Variants in SOX6 observed in about 807,000 individuals in gnomAD.
SOX6 encodes the protein SRY-box transcription factor 6, also known as transcription factor SOX-6.
SOX6 carries 11 observed loss-of-function variants against 97.8 expected under a neutral mutation model. The observed-to-expected ratio is 0.11, with a 90% CI of 0.07 to 0.19. The LOEUF (loss-of-function observed/expected upper bound fraction) is 0.19. SOX6 is among the 10% of genes least tolerant of loss of function. The pLI, the probability that SOX6 is intolerant of heterozygous loss-of-function variation, is 1.00. For missense variants in SOX6, 810 were observed against 1,039.5 expected (o/e 0.78, Z 3.04); for synonymous variants, 360 against 371.4 (o/e 0.97, Z 0.35).
chr11:16,448,517 G>T (rs1006577778), intron 1 of SOX6, among the ~76,000 whole-genome samples: 1 of 152,038 alleles, frequency 6.6e-6, no homozygotes, highest in African/African-American at 2.4e-5. Flanking sequence ...ATTCAAAATT[G>T]CTGAGTTTCA....
rs1376919011 is a variant in SOX6 at position 16,362,198 on chromosome 11, CAG to C, written c.-4-20948_-4-20947del. On this transcript the variant is annotated intron_variant, in intron 1 of 15. Coordinates refer to the SOX6 transcript ENST00000396356. ...TGTGTTACAGAGGGAGAAAAAGTAA[CAG>C]TGACTGCAAAATGGACAATGACTAA... Among the ~76,000 whole-genome samples the C allele has an allele frequency of 3.3e-5, 5 of 152,168 alleles. 1 individual carries two copies. Among genetic ancestry groups the C allele is most frequent in the African/African-American group, 1.2e-4 (5 of 41,448 alleles).
intron 9 of SOX6, among the ~76,000 whole-genome samples, chr11:16,078,788 G>C (rs1163190127): frequency 6.6e-6 from 1 of 152,136 alleles, no homozygotes; most frequent in East Asian, 1.9e-4. Context: ...ATAAAGACCT[G>C]AGCTAAGTGA....
At chr11:16,050,382 C>A (rs895979294) in intron 10 of SOX6, among the ~76,000 whole-genome samples, 50 of 152,258 alleles carry the variant, frequency 3.3e-4, no homozygotes, top group African/African-American at 1.2e-3. Flanking sequence ...CAATTGCAAG[C>A]ACTTTAAAAA....
At chr11:16,624,345 C>A (rs541860197) in intron 3 of SOX6, among the ~76,000 whole-genome samples, 3 of 151,730 alleles carry the variant, frequency 2.0e-5, no homozygotes, top group Admixed American at 2.0e-4. Flanking sequence ...GTGCCACCAC[C>A]CCCAGCTAAT....
At chr11:16,120,556 C>A (rs1050982777) in intron 6 of SOX6, among the ~76,000 whole-genome samples, 1 of 125,786 alleles carries the variant, frequency 8.0e-6, no homozygotes, top group East Asian at 2.9e-4. Flanking sequence ...AAAGAGCTAA[C>A]TTCACATATA....
intron 4 of SOX6, among the ~76,000 whole-genome samples, chr11:16,228,156 C>T (rs1221744074): frequency 3.3e-5 from 5 of 151,532 alleles, no homozygotes; most frequent in Non-Finnish European, 7.4e-5. Context: ...CGAGACTGCA[C>T]CAATGCACTC....
At chr11:16,447,055 T>C (rs1427355906) in intron 1 of SOX6, among the ~76,000 whole-genome samples, 1 of 151,554 alleles carries the variant, frequency 6.6e-6, no homozygotes, top group Non-Finnish European at 1.5e-5. Flanking sequence ...CCTCCCTTTC[T>C]TCCCTTCTTT....
intron 4 of SOX6, among the ~76,000 whole-genome samples, chr11:16,505,104 G>T (rs61881830): frequency 0.17 from 25,418 of 152,188 alleles, 2,612 homozygotes; most frequent in Admixed American, 0.3. Context: ...GGCAAAGGTT[G>T]CAACAGTTTG....
intron 6 of SOX6, among the ~76,000 whole-genome samples, chr11:16,126,485 A>T (rs1849617328): frequency 6.6e-6 from 1 of 152,074 alleles, no homozygotes; most frequent in Non-Finnish European, 1.5e-5. Flanking sequence ...CTGCTCTACA[A>T]CCAGTCCTTA....
chr11:16,005,356 T>C (rs897854247), intron 13 of SOX6, among the ~76,000 whole-genome samples: 4 of 151,608 alleles, frequency 2.6e-5, no homozygotes, highest in Non-Finnish European at 5.9e-5. Flanking sequence ...AGTTCCCATA[T>C]ATGGGAACAG....
intron 2 of SOX6, among the ~76,000 whole-genome samples, chr11:16,727,624 G>A (rs1848317321): frequency 6.6e-6 from 1 of 150,684 alleles, no homozygotes; most frequent in African/African-American, 2.4e-5. Context: ...TTTTAGTAGA[G>A]ATGGGGTTTC....
intron 6 of SOX6, among the ~76,000 whole-genome samples, chr11:16,124,805 T>C (rs1849570215): frequency 6.6e-6 from 1 of 151,970 alleles, no homozygotes; most frequent in Non-Finnish European, 1.5e-5. Context: ...TTTAGAAAGA[T>C]CACTCTGGTT....
At chr11:16,578,747 T>A (rs1219540184) in intron 4 of SOX6, among the ~76,000 whole-genome samples, 2 of 151,998 alleles carry the variant, frequency 1.3e-5, no homozygotes, top group Admixed American at 6.6e-5. Flanking sequence ...ATTAGAGATA[T>A]GAAGATAAAG....
Position 16,466,634 on chromosome 11 carries a change from AAAAC to A in SOX6, c.-5+9677_-5+9680del, listed in dbSNP as rs906971223. The stretch of plus-strand genomic sequence containing the variant: ...CTTAAACAAAATTACAAGAAAAAAA[AAAAC>A]AAACAACTCCGGCCGGGCGCGGTGG... On this transcript the variant is annotated intron_variant, in intron 1 of 15. Coordinates refer to the SOX6 transcript ENST00000396356. 1.6e-4 allele frequency among the ~76,000 whole-genome samples: 24 copies of A among 151,674 alleles called. No homozygotes were observed. The East Asian group carries it at 1.7e-3, about 11-fold the overall frequency.
At chr11:16,145,061 C>T (rs182044608) in intron 6 of SOX6, among the ~76,000 whole-genome samples, 2 of 151,944 alleles carry the variant, frequency 1.3e-5, no homozygotes, top group African/African-American at 2.4e-5. Context: ...AGAGAATTTT[C>T]GACCAATATC....
chr11:16,067,286 T>A (rs1181177099), intron 9 of SOX6, among the ~76,000 whole-genome samples: 1 of 152,214 alleles, frequency 6.6e-6, no homozygotes, highest in African/African-American at 2.4e-5. Context: ...CCACCCAAAT[T>A]TCATCTTGAA....
At chr11:16,319,088 T>A (rs1338227023) in intron 2 of SOX6, among the ~76,000 whole-genome samples, 1 of 152,128 alleles carries the variant, frequency 6.6e-6, no homozygotes, top group Non-Finnish European at 1.5e-5. Flanking sequence ...AAGGAGTACA[T>A]CATAAAAAAC....
chr11:16,359,534 C>A (rs1403080745), upstream of SOX6, among the ~76,000 whole-genome samples: 1 of 152,044 alleles, frequency 6.6e-6, no homozygotes. Flanking sequence ...TGTTTATGCT[C>A]CTGTCATTTG....
At chr11:15,981,282 G>A (rs1853648367) in intron 15 of SOX6, among the ~76,000 whole-genome samples, 1 of 152,082 alleles carries the variant, frequency 6.6e-6, no homozygotes, top group South Asian at 2.1e-4. Context: ...ATATACATGA[G>A]TTGATATGAA....
Sources: gnomAD v4.1 joint callset for allele counts (sites outside exome capture counted in the v4.1 genomes callset) on GRCh38, gnomAD v4.1.1 for gene constraint, MANE v1.5 for transcripts, NCBI Gene and HGNC (gene_info 2026-07-23, HGNC 2026-07-21) for gene names.